YAP1: variants seen among roughly 807,000 people sequenced by gnomAD.
YAP1 encodes the protein transcriptional coactivator YAP1.
A neutral mutation model predicts 56.9 loss-of-function variants in YAP1; 5 were observed. The observed-to-expected ratio is 0.09, with a 90% CI of 0.05 to 0.18. The LOEUF (loss-of-function observed/expected upper bound fraction) is 0.18, where lower values mean the gene tolerates loss of function less well. Ranked by LOEUF, YAP1 falls within the 10% of genes least tolerant of loss-of-function variation. The pLI is 1.00. For synonymous variants in YAP1, 265 were observed against 248.1 expected, an observed-to-expected ratio of 1.07 and a Z score of -0.64; for missense variants, 539 against 651.8, an observed-to-expected ratio of 0.83 and a Z score of 1.88.
intron 3 of YAP1, among the ~76,000 whole-genome samples, chr11:102,170,711 A>C (rs1019518341): frequency 6.6e-6 from 1 of 152,106 alleles, no homozygotes; most frequent in African/African-American, 2.4e-5. Context: ...GCTCACACCT[A>C]TAATCCCAGC....
In YAP1 at chr11:102,176,745, C is replaced by CAAAAAAAAAAAAAAAAAAAAAA. The variant is rs57082707; in HGVS notation, c.689-9263_689-9242dup. 6.2e-4 allele frequency among the ~76,000 whole-genome samples: 28 copies of CAAAAAAAAAAAAAAAAAAAAAA among 45,510 alleles called. 3 individuals are homozygous for CAAAAAAAAAAAAAAAAAAAAAA. The highest frequency in any genetic ancestry group is 1.1e-3 in the African/African-American group (12 of 11,252). 29.9% of individuals were successfully genotyped at this position (45,510 alleles called of 152,430 possible). A position where few individuals can be genotyped will look rare whatever the true frequency, so the allele number is the denominator to read the frequency against. On this transcript the variant is annotated intron_variant, in intron 3 of 8. Transcript: ENST00000282441. ...TGGGCAACAGAGTAAGACTCCGTCT[C>CAAAAAAAAAAAAAAAAAAAAAA]AAAAAAAAAAAAAAAAAAAAAAAAA... is the stretch of plus-strand genomic sequence containing the variant.
At chr11:102,137,112 T>C (rs1020392948) in intron 2 of YAP1, among the ~76,000 whole-genome samples, 6 of 152,222 alleles carry the variant, frequency 3.9e-5, no homozygotes, top group African/African-American at 1.4e-4. Flanking sequence ...CTGTCTCCTT[T>C]GCCCTTTAAT....
intron 3 of YAP1, among the ~76,000 whole-genome samples, chr11:102,173,520 C>T (rs1947046334): frequency 6.6e-6 from 1 of 152,122 alleles, no homozygotes; most frequent in Admixed American, 6.5e-5. Flanking sequence ...AATGGTAGAA[C>T]TATTCTAAGA....
At chr11:102,195,310 G>A (rs1323613695) in intron 4 of YAP1, among the ~76,000 whole-genome samples, 5 of 152,164 alleles carry the variant, frequency 3.3e-5, no homozygotes, top group Non-Finnish European at 5.9e-5. Flanking sequence ...ATTCATGATT[G>A]TATTGTTTGA....
At chr11:102,168,739 T>A (rs1392583142) in intron 3 of YAP1, among the ~76,000 whole-genome samples, 6 of 152,170 alleles carry the variant, frequency 3.9e-5, no homozygotes, top group African/African-American at 1.4e-4. Flanking sequence ...GCCTTAAGGT[T>A]TGCCTCTTGT....
intron 4 of YAP1, among the ~76,000 whole-genome samples, chr11:102,193,900 G>A (rs537095116): frequency 4.2e-4 from 64 of 151,178 alleles, no homozygotes; most frequent in African/African-American, 1.4e-3. Context: ...GTGCAGTGGC[G>A]CAATCTTGGC....
rs1950380377 is a variant in YAP1, at chr11:102,229,997, C to T, written c.*57C>T. 1.2e-5 allele frequency: 18 copies of T among 1,468,272 alleles called. No individual in the cohort carries two copies. The highest frequency in any genetic ancestry group is 1.8e-4 in the Middle Eastern group (1 of 5,652). The allele number at this position is 1,468,272 out of a possible 1,614,324, so 91.0% of individuals were successfully genotyped here. A position where few individuals can be genotyped will look rare whatever the true frequency, so the allele number is the denominator to read the frequency against. On this transcript the variant is annotated 3_prime_UTR_variant, in exon 9 of 9. Transcript: ENST00000282441. Reference sequence around the variant, plus strand: ...GAAGGATCTAAGGAGACACATGCACCGGAAATTTCCATAAGCCAGTTGCAG... The same window carrying T: ...GAAGGATCTAAGGAGACACATGCACTGGAAATTTCCATAAGCCAGTTGCAG...
chr11:102,172,300 ATTTTTTTTTTTTT>A (rs752185861), intron 3 of YAP1, among the ~76,000 whole-genome samples: 16 of 110,842 alleles, frequency 1.4e-4, no homozygotes, highest in East Asian at 2.4e-4. Context: ...ACAGTGAAGA[ATTTTTTTTTTTTT>A]TTTTTTTTTT....
intron 4 of YAP1, among the ~76,000 whole-genome samples, chr11:102,198,593 C>T (rs907252642): frequency 6.6e-6 from 1 of 152,142 alleles, no homozygotes; most frequent in Non-Finnish European, 1.5e-5. Flanking sequence ...CAACACTCCT[C>T]AGCTTACTAA....
At chr11:102,207,338 T>C (rs1450224754) in intron 5 of YAP1, among the ~76,000 whole-genome samples, 1 of 152,116 alleles carries the variant, frequency 6.6e-6, no homozygotes, top group Non-Finnish European at 1.5e-5. Flanking sequence ...ATAAAATACA[T>C]GTATCTGTGC....
chr11:102,186,414 C>T, intron 4 of YAP1: 1 of 321,642 alleles, frequency 3.1e-6, no homozygotes, highest in East Asian at 9.2e-5. Flanking sequence ...GGGAGAAACA[C>T]AGTGATTGTT....
intron 6 of YAP1, among the ~76,000 whole-genome samples, chr11:102,216,956 C>A (rs928201288): frequency 2.6e-4 from 39 of 152,156 alleles, no homozygotes; most frequent in African/African-American, 8.5e-4. Flanking sequence ...GGTAGCTTTT[C>A]CCATTGAGCT....
chr11:102,198,513 A>T (rs565730172), intron 4 of YAP1, among the ~76,000 whole-genome samples: 1 of 152,346 alleles, frequency 6.6e-6, no homozygotes, highest in Non-Finnish European at 1.5e-5. Context: ...AATGTTTCTT[A>T]ATAGATGAAG....
intron 4 of YAP1, among the ~76,000 whole-genome samples, chr11:102,188,920 A>ATT (rs76406964): frequency 6.6e-6 from 1 of 152,052 alleles, no homozygotes; most frequent in Non-Finnish European, 1.5e-5. Flanking sequence ...TTTTTTAATG[A>ATT]TTTTTTTCTT....
At chr11:102,219,692 G>A (rs1196105312) in intron 6 of YAP1, among the ~76,000 whole-genome samples, 2 of 151,980 alleles carry the variant, frequency 1.3e-5, no homozygotes, top group Non-Finnish European at 2.9e-5. Flanking sequence ...GAGGCAAGCA[G>A]GAAGAGGTGG....
intron 2 of YAP1, among the ~76,000 whole-genome samples, chr11:102,161,216 C>T (rs999409688): frequency 6.6e-6 from 1 of 151,520 alleles, no homozygotes; most frequent in Non-Finnish European, 1.5e-5. Context: ...CGCCCGCCAC[C>T]ACGCCTGGCT....
At chr11:102,124,807 C>T (rs1031968524) in intron 2 of YAP1, among the ~76,000 whole-genome samples, 59 of 152,256 alleles carry the variant, frequency 3.9e-4, no homozygotes, top group African/African-American at 1.4e-3. Flanking sequence ...GCCATCTCAG[C>T]TTACTGCAAC....
At chr11:102,224,458 A>G (rs367843016) in intron 7 of YAP1, among the ~76,000 whole-genome samples, 1 of 152,236 alleles carries the variant, frequency 6.6e-6, no homozygotes, top group African/African-American at 2.4e-5. Context: ...TGGAGTTTCA[A>G]ACTTTTTAAA....
intron 2 of YAP1, among the ~76,000 whole-genome samples, chr11:102,125,977 T>G (rs189638450): frequency 6.6e-6 from 1 of 151,920 alleles, no homozygotes; most frequent in East Asian, 1.9e-4. Context: ...AGAGCACCAG[T>G]GGTGATGGGA....
Sources: gnomAD v4.1 joint callset for allele counts (sites outside exome capture counted in the v4.1 genomes callset) on GRCh38, gnomAD v4.1.1 for gene constraint, MANE v1.5 for transcripts, NCBI Gene and HGNC (gene_info 2026-07-23, HGNC 2026-07-21) for gene names.